The following IQANK1 variants were observed in gnomAD, a reference collection of about 807,000 sequenced individuals.
The protein encoded by IQANK1 is IQ motif and ankyrin repeat domain-containing protein 1.
IQANK1 carries 30 observed loss-of-function variants against 22.6 expected under a neutral mutation model. The ratio of observed to expected loss-of-function variants is 1.33; its 90% CI spans 0.99 to 1.80. The LOEUF (loss-of-function observed/expected upper bound fraction) is 1.80, where lower values mean the gene tolerates loss of function less well. Among genes scored for constraint, IQANK1 ranks in the 40% most tolerant of loss-of-function variants. The probability of loss-of-function intolerance (pLI) is 0.00; values close to 1 mark genes in which losing one functional copy is unlikely to be tolerated. For missense variants in IQANK1, 275 were observed against 235.2 expected (o/e 1.17, Z -1.11); for synonymous variants, 122 against 99.6 (o/e 1.23, Z -1.34).
intron 3 of IQANK1, chr8:143,742,860 G>A (rs781783827): frequency 1.1e-5 from 5 of 456,008 alleles, no homozygotes; most frequent in South Asian, 3.1e-5. Context: ...CTGCTGTCAC[G>A]GTGCTAAGGG....
chr8:143,781,219 T>C (rs1264857294), intron 7 of IQANK1, among the ~76,000 whole-genome samples: 1 of 152,212 alleles, frequency 6.6e-6, no homozygotes, highest in Non-Finnish European at 1.5e-5. Flanking sequence ...TGCTGGATGT[T>C]AGACTTCTGT....
At position 143,771,093 on chromosome 8, in the gene IQANK1, C is replaced by A. The variant is rs958228693; in HGVS notation, c.176-395C>A. 1.8e-4 allele frequency among the ~76,000 whole-genome samples: 28 copies of A among 152,352 alleles called. No individual in the cohort carries two copies. Among genetic ancestry groups the A allele is most frequent in the African/African-American group, 6.0e-4 (25 of 41,594 alleles). On this transcript the variant is annotated intron_variant, in intron 3 of 13. Transcript: ENST00000527139. This position sits in a 1 kb window ranked among gnomAD's most constrained non-coding sequence, Gnocchi z 6.0. Reference sequence around the variant, plus strand: ...GATGAGCCCTCCCAGGCCTGGGGCCCCCCCGCTCAGTCCAGCCTTCGCTCG... The same window carrying A: ...GATGAGCCCTCCCAGGCCTGGGGCCACCCCGCTCAGTCCAGCCTTCGCTCG...
intron 7 of IQANK1, among the ~76,000 whole-genome samples, chr8:143,778,971 T>C (rs1554630728): frequency 6.6e-6 from 1 of 152,192 alleles, no homozygotes. Flanking sequence ...TTTTGCCATG[T>C]TGGCCAGCTG....
chr8:143,741,919 C>G (rs781919143), intron 3 of IQANK1: 1 of 191,240 alleles, frequency 5.2e-6, no homozygotes, highest in Non-Finnish European at 1.1e-5. Flanking sequence ...GTGGGTGGGA[C>G]CTGCTCTAGA....
Position 143,771,571 on chromosome 8 carries a change from G to C in IQANK1, c.259G>C (p.Glu87Gln). The C allele has an allele frequency of 2.5e-6, 1 of 398,334 alleles. No homozygotes were observed. The highest frequency in any genetic ancestry group is 4.4e-6 in the Non-Finnish European group (1 of 225,898). The allele number at this position is 398,334 out of a possible 1,614,324, so 24.7% of individuals were successfully genotyped here. The change falls in exon 4 of 14, where the codon GAG (glutamate) becomes CAG (glutamine). Residue 87 changes from glutamate (E) to glutamine (Q), a missense_variant. Physicochemically the swap from Glu to Gln is conservative, Grantham distance 29. Coordinates refer to ENST00000527139, the MANE Select transcript of IQANK1 (RefSeq NM_001381874.1). The surrounding 1 kb of genome is among the most constrained non-coding windows in gnomAD (Gnocchi z 6.0). ...RARRELARRR[E>Q]ERREYLEQME... The stretch of plus-strand genomic sequence containing the variant: ...CAGGAGGGAGCTCGCCCGCCGCCGG[G>C]AGGAGCGCCGGGAGTACCTGGAGCA...
chr8:143,768,845 T>C (rs556535024), intron 3 of IQANK1, among the ~76,000 whole-genome samples: 3 of 152,150 alleles, frequency 2.0e-5, no homozygotes, highest in African/African-American at 4.8e-5. Flanking sequence ...TGAGTTCTTC[T>C]GGATTTTTAT....
chr8:143,735,306 G>A lies in IQANK1; in HGVS notation c.-4-544G>A, dbSNP rs1423967405. Among the ~76,000 whole-genome samples the A allele has an allele frequency of 6.6e-6, 1 of 152,160 alleles. No individual in the cohort carries two copies. The highest frequency in any genetic ancestry group is 2.4e-5 in the African/African-American group (1 of 41,426). On this transcript the variant is annotated intron_variant, in intron 1 of 13. Transcript: ENST00000527139. This position sits in a 1 kb window ranked among gnomAD's most constrained non-coding sequence, Gnocchi z 5.2. ...CTTGGGGGTCAGCTGTGTGGACTAG[G>A]GAGAGGGGTGTTGCTCCAGGGCCTG...
At chr8:143,742,992 C>T (rs969132751) in intron 3 of IQANK1, 1 of 456,070 alleles carries the variant, frequency 2.2e-6, no homozygotes, top group Admixed American at 2.3e-5. Flanking sequence ...GCTTTATCCC[C>T]CACCCCCCAG....
chr8:143,778,421 G>C (rs1819732432), intron 7 of IQANK1, among the ~76,000 whole-genome samples: 1 of 152,168 alleles, frequency 6.6e-6, no homozygotes, highest in Non-Finnish European at 1.5e-5. Flanking sequence ...GAATCATTTA[G>C]TAATGACAAA....
chr8:143,751,440 C>T lies in IQANK1; in HGVS notation c.175+11492C>T, dbSNP rs576028821. 1.4e-3 allele frequency among the ~76,000 whole-genome samples: 219 copies of T among 151,396 alleles called. 1 individual carries two copies. Among genetic ancestry groups the T allele is most frequent in the African/African-American group, 3.9e-3 (161 of 41,298 alleles). ...CAACCTGGCCAATATGGTGAAACCC[C>T]GTCTCTACTAAAAATACAAAAATTA... On this transcript the variant is annotated intron_variant, in intron 3 of 13. Coordinates refer to ENST00000527139, the MANE Select transcript of IQANK1 (RefSeq NM_001381874.1).
intron 3 of IQANK1, among the ~76,000 whole-genome samples, chr8:143,769,293 C>T (rs1949701820): frequency 6.6e-6 from 1 of 152,036 alleles, no homozygotes; most frequent in African/African-American, 2.4e-5. Flanking sequence ...CTTCTGGGCT[C>T]AAGTGGTCCT....
chr8:143,757,539 A>G (rs1819316414), intron 3 of IQANK1, among the ~76,000 whole-genome samples: 1 of 152,040 alleles, frequency 6.6e-6, no homozygotes, highest in Admixed American at 6.6e-5. Context: ...GGTTTTCACC[A>G]TGTTAGCCAG....
At chr8:143,751,640 G>A (rs1172637846) in intron 3 of IQANK1, among the ~76,000 whole-genome samples, 1 of 47,120 alleles carries the variant, frequency 2.1e-5, no homozygotes, top group Non-Finnish European at 5.0e-5. Context: ...GTGTGTGTGT[G>A]TGTGTGTGTG....
At chr8:143,775,438 T>C (rs1819664038) in intron 7 of IQANK1, among the ~76,000 whole-genome samples, 2 of 149,288 alleles carry the variant, frequency 1.3e-5, no homozygotes, top group Admixed American at 1.3e-4. Context: ...ACACAGGAGA[T>C]GGAATTAGTA....
At chr8:143,754,868 C>T (rs188546809) in intron 3 of IQANK1, among the ~76,000 whole-genome samples, 6 of 152,186 alleles carry the variant, frequency 3.9e-5, no homozygotes, top group South Asian at 4.1e-4. Context: ...CTTCATGATC[C>T]GCCCACCTCG....
At chr8:143,786,089 C>T (rs1819883157) in intron 7 of IQANK1, among the ~76,000 whole-genome samples, 1 of 152,164 alleles carries the variant, frequency 6.6e-6, no homozygotes, top group Non-Finnish European at 1.5e-5. Context: ...TCTTCAACTT[C>T]TGGGCTCGAG....
intron 3 of IQANK1, among the ~76,000 whole-genome samples, chr8:143,750,039 T>C (rs1484190829): frequency 1.3e-5 from 2 of 148,548 alleles, no homozygotes; most frequent in African/African-American, 2.5e-5. Flanking sequence ...AGTTTCGCTC[T>C]TGTTGCCCAG....
At chr8:143,768,242 C>G (rs1247953014) in intron 3 of IQANK1, among the ~76,000 whole-genome samples, 1 of 151,922 alleles carries the variant, frequency 6.6e-6, no homozygotes, top group Non-Finnish European at 1.5e-5. Flanking sequence ...GTGTTTTTGA[C>G]GTACATCATG....
intron 7 of IQANK1, among the ~76,000 whole-genome samples, chr8:143,786,234 A>T (rs1563781639): frequency 6.6e-6 from 1 of 152,086 alleles, no homozygotes; most frequent in Non-Finnish European, 1.5e-5. Flanking sequence ...TTCACTGAGG[A>T]TTTAGGTTTT....
Sources: allele counts gnomAD v4.1 joint callset (sites outside exome capture counted in the v4.1 genomes callset), GRCh38; gene constraint gnomAD v4.1.1; non-coding constraint Gnocchi (gnomAD v3.1); transcripts MANE v1.5; gene names NCBI Gene and HGNC (gene_info 2026-07-23, HGNC 2026-07-21).